The following SESN1 variants were observed in gnomAD, a reference collection of about 807,000 sequenced individuals.
SESN1 encodes the protein sestrin-1.
In SESN1, 30 loss-of-function variants were observed where a neutral mutation model predicts 59.3. That is an observed-to-expected ratio of 0.51 (90% confidence interval 0.38 to 0.69). SESN1 has a LOEUF of 0.69. Ranked by LOEUF, SESN1 falls within the 30% of genes least tolerant of loss-of-function variation. The pLI, the probability that SESN1 is intolerant of heterozygous loss-of-function variation, is 0.00. For synonymous variants in SESN1, 197 were observed against 219.9 expected (o/e 0.90, Z 0.92); for missense variants, 566 against 673.0 (o/e 0.84, Z 1.76).
intron 1 of SESN1, among the ~76,000 whole-genome samples, chr6:109,060,614 T>G (rs1263112573): frequency 6.6e-6 from 1 of 152,194 alleles, no homozygotes; most frequent in East Asian, 1.9e-4. Context: ...TCATTTACCT[T>G]TTTAGGTCAG....
At chr6:109,028,852 T>G (rs1780138102) in intron 1 of SESN1, among the ~76,000 whole-genome samples, 1 of 152,034 alleles carries the variant, frequency 6.6e-6, no homozygotes, top group African/African-American at 2.4e-5. Context: ...CCCCAAACTT[T>G]CCAATAAATC....
chr6:109,008,605 C>G (rs1779783540), intron 1 of SESN1: 1 of 179,360 alleles, frequency 5.6e-6, no homozygotes, highest in African/African-American at 2.4e-5. Context: ...ATTTAGATTT[C>G]TTGAACTAAG....
At chr6:109,014,202 C>T (rs1214572838) in intron 1 of SESN1, among the ~76,000 whole-genome samples, 1 of 151,960 alleles carries the variant, frequency 6.6e-6, no homozygotes, top group African/African-American at 2.4e-5. Context: ...CAAGAAGTGT[C>T]AGTGGTTTTA....
chr6:109,005,304 G>A (rs1274723316), intron 1 of SESN1, among the ~76,000 whole-genome samples: 1 of 152,080 alleles, frequency 6.6e-6, no homozygotes, highest in Non-Finnish European at 1.5e-5. Context: ...TACAATAATG[G>A]GGAAGGGGAG....
chr6:109,083,419 T>C (rs566520334), intron 1 of SESN1, among the ~76,000 whole-genome samples: 3 of 152,268 alleles, frequency 2.0e-5, no homozygotes, highest in African/African-American at 4.8e-5. Flanking sequence ...TGTCAAAAAA[T>C]AGATAAGCAT....
At chr6:109,043,756 G>A (rs978106598) in intron 1 of SESN1, among the ~76,000 whole-genome samples, 3 of 152,298 alleles carry the variant, frequency 2.0e-5, no homozygotes, top group African/African-American at 7.2e-5. Flanking sequence ...CTCAATACTA[G>A]TAAGGTGTCC....
chr6:109,088,221 G>A (rs1040420295), intron 1 of SESN1: 1 of 151,916 alleles, frequency 6.6e-6, no homozygotes, highest in East Asian at 1.9e-4. Flanking sequence ...CATGCTGTAG[G>A]AATGGAGACA....
intron 1 of SESN1, among the ~76,000 whole-genome samples, chr6:109,023,957 G>A (rs1197399264): frequency 6.6e-6 from 1 of 151,526 alleles, no homozygotes; most frequent in Non-Finnish European, 1.5e-5. Context: ...TTTTTCTGTA[G>A]AATGAAATTC....
intron 4 of SESN1, among the ~76,000 whole-genome samples, chr6:108,999,734 T>C (rs748985868): frequency 2.6e-5 from 4 of 152,140 alleles, no homozygotes; most frequent in Non-Finnish European, 5.9e-5. Flanking sequence ...AAGGTAAACG[T>C]AGGCTTACCG....
chr6:109,055,300 C>G (rs897359204), intron 1 of SESN1, among the ~76,000 whole-genome samples: 5 of 152,098 alleles, frequency 3.3e-5, no homozygotes, highest in Admixed American at 6.6e-5. Flanking sequence ...ACTCTACTTT[C>G]TTGTTTTCAA....
chr6:109,046,288 T>C (rs1264476440), intron 1 of SESN1, among the ~76,000 whole-genome samples: 2 of 151,658 alleles, frequency 1.3e-5, no homozygotes, highest in African/African-American at 4.8e-5. Flanking sequence ...TTTCGCTGTG[T>C]TGGCCGGGCC....
intron 1 of SESN1, among the ~76,000 whole-genome samples, chr6:109,061,614 G>A (rs1304533217): frequency 6.6e-6 from 1 of 152,018 alleles, no homozygotes; most frequent in African/African-American, 2.4e-5. Flanking sequence ...GACCAGCCTG[G>A]GCAACATGGT....
intron 1 of SESN1, among the ~76,000 whole-genome samples, chr6:109,057,002 C>G (rs958354977): frequency 1.3e-5 from 2 of 152,226 alleles, no homozygotes; most frequent in Non-Finnish European, 2.9e-5. Context: ...TGAGAGAAGT[C>G]CACTGCCATG....
At chr6:109,042,951 A>T (rs1488953150) in intron 1 of SESN1, among the ~76,000 whole-genome samples, 1 of 152,162 alleles carries the variant, frequency 6.6e-6, no homozygotes, top group Non-Finnish European at 1.5e-5. Flanking sequence ...CCTAAACAAA[A>T]TATTAGCAAA....
intron 1 of SESN1, among the ~76,000 whole-genome samples, chr6:109,070,365 T>G (rs1780911116): frequency 6.6e-6 from 1 of 152,138 alleles, no homozygotes; most frequent in Non-Finnish European, 1.5e-5. Context: ...TACACATGGG[T>G]TGTCCTCCCT....
intron 1 of SESN1, among the ~76,000 whole-genome samples, chr6:109,083,275 A>G (rs1465282405): frequency 6.6e-6 from 1 of 152,234 alleles, no homozygotes; most frequent in African/African-American, 2.4e-5. Flanking sequence ...TAAGATCTCT[A>G]GTCAAAGTGA....
Position 109,001,398 on chromosome 6 carries a change from C to G in SESN1, c.436G>C (p.Val146Leu), listed in dbSNP as rs765087833. 6.2e-7 allele frequency: 1 copy of G among 1,613,832 alleles called. No individual in the cohort carries two copies. Among genetic ancestry groups the G allele is most frequent in the Non-Finnish European group, 8.5e-7 (1 of 1,179,806 alleles). Residue 146 changes from valine (V) to leucine (L), a missense_variant, in exon 3 of 10, where the codon GTG becomes CTG. Val to Leu is a conservative substitution (Grantham distance 32). Coordinates refer to ENST00000436639, the MANE Select transcript of SESN1 (RefSeq NM_014454.3). ...AAATATTGTGGGTGGAAAACCATCA[C>G]TAACGTAATGTTATCCAAACGGCCC... ...ALGRLDNITL[V>L]MVFHPQYLES...
At chr6:108,993,001 AG>A in intron 6 of SESN1, 102 bp from the exon 7 acceptor site, 1 of 693,792 alleles carries the variant, frequency 1.4e-6, no homozygotes, top group Non-Finnish European at 2.5e-6. Flanking sequence ...TCTGATACTG[AG>A]TGACCAATAT....
intron 1 of SESN1, chr6:109,008,672 A>G: frequency 1.8e-6 from 1 of 570,290 alleles, no homozygotes. Flanking sequence ...GTTTTACCTA[A>G]GGTTACATTA....
Sources: gnomAD v4.1 joint callset for allele counts (sites outside exome capture counted in the v4.1 genomes callset) on GRCh38, gnomAD v4.1.1 for gene constraint, MANE v1.5 for transcripts, NCBI Gene and HGNC (gene_info 2026-07-23, HGNC 2026-07-21) for gene names.